Variants in NRXN3 observed in about 807,000 individuals in gnomAD.
NRXN3 encodes the protein neurexin III.
Under a neutral mutation model 137.6 loss-of-function variants are expected in NRXN3, and 32 were observed. The observed-to-expected ratio is 0.23, with a 90% CI of 0.18 to 0.31. The LOEUF (loss-of-function observed/expected upper bound fraction) is 0.31, where lower values mean the gene tolerates loss of function less well. NRXN3 is among the 10% of genes least tolerant of loss of function. The pLI is 1.00. For missense variants in NRXN3, 1,574 were observed against 2,062.5 expected, an observed-to-expected ratio of 0.76 and a Z score of 4.59; for synonymous variants, 798 against 784.5, an observed-to-expected ratio of 1.02 and a Z score of -0.29.
intron 15 of NRXN3, among the ~76,000 whole-genome samples, chr14:79,038,593 T>C (rs2099620059): frequency 6.6e-6 from 1 of 152,178 alleles, no homozygotes. Context: ...GGGTATGCTC[T>C]CCTTGCTATT....
At chr14:79,778,057 C>A (rs749059994) in intron 19 of NRXN3, among the ~76,000 whole-genome samples, 3 of 152,210 alleles carry the variant, frequency 2.0e-5, no homozygotes, top group Non-Finnish European at 4.4e-5. Context: ...GGCACATACA[C>A]CCTTTAACCA....
chr14:78,455,210 T>G (rs76187059), intron 4 of NRXN3, among the ~76,000 whole-genome samples: 6,027 of 152,250 alleles, frequency 0.04, 371 homozygotes, highest in African/African-American at 0.13. Flanking sequence ...ACTTGGGAGT[T>G]AGATTCCCCA....
rs1309961475 is a variant in NRXN3, at chr14:79,629,834, TGTGTGTGTGC to T, written c.3445-33934_3445-33925del. ...ATGTGCGTGTGTGTGTGCGTGTGTG[TGTGTGTGTGC>T]GTGTGTGTGTGTTATGCACAGTGGC... On this transcript the variant is annotated intron_variant, in intron 16 of 20. Coordinates refer to ENST00000335750, the MANE Select transcript of NRXN3 (RefSeq NM_001330195.2). Among the ~76,000 whole-genome samples the T allele has an allele frequency of 4.8e-5, 4 of 84,142 alleles. No individual in the cohort carries two copies. The East Asian group carries it at 1.1e-3, about 23-fold the overall frequency. 55.2% of individuals were successfully genotyped at this position (84,142 alleles called of 152,430 possible).
intron 9 of NRXN3, among the ~76,000 whole-genome samples, chr14:78,807,172 A>G (rs993877410): frequency 6.6e-6 from 1 of 152,194 alleles, no homozygotes; most frequent in Non-Finnish European, 1.5e-5. Context: ...CTCAGTGCCC[A>G]GTTTGAATTG....
At chr14:79,546,620 A>G (rs1354497916) in intron 16 of NRXN3, among the ~76,000 whole-genome samples, 1 of 152,182 alleles carries the variant, frequency 6.6e-6, no homozygotes, top group Non-Finnish European at 1.5e-5. Flanking sequence ...GTTTTTAGAA[A>G]AAGACTCAGA....
chr14:78,978,223 T>G (rs2153037757), intron 14 of NRXN3, among the ~76,000 whole-genome samples: 1 of 152,272 alleles, frequency 6.6e-6, no homozygotes, highest in Non-Finnish European at 1.5e-5. Context: ...TTTTGATGCC[T>G]TGCTTAGCTT....
intron 6 of NRXN3, among the ~76,000 whole-genome samples, chr14:78,686,979 T>C (rs901346154): frequency 6.6e-6 from 1 of 152,106 alleles, no homozygotes; most frequent in African/African-American, 2.4e-5. Context: ...AAGTTATATA[T>C]GGTGGTATAA....
chr14:79,294,361 G>C lies in NRXN3; in HGVS notation c.3263-172860G>C, dbSNP rs1598388093. On this transcript the variant is annotated intron_variant, in intron 15 of 20. Coordinates refer to ENST00000335750, the MANE Select transcript of NRXN3 (RefSeq NM_001330195.2). The stretch of plus-strand genomic sequence containing the variant: ...ACAACACATGAAATCAGTATTCAAA[G>C]TTTTGGCCAGTTTCCCTTTGTGGTT... 2.0e-5 allele frequency among the ~76,000 whole-genome samples: 3 copies of C among 152,224 alleles called. No homozygotes were observed. The South Asian group carries it at 6.2e-4, about 32-fold the overall frequency.
At chr14:79,455,102 T>G (rs1195873576) in intron 15 of NRXN3, among the ~76,000 whole-genome samples, 4 of 152,218 alleles carry the variant, frequency 2.6e-5, no homozygotes, top group South Asian at 2.1e-4. Context: ...TACCATAAAC[T>G]GAGCAGTTTT....
chr14:79,811,274 A>C (rs2099231618), intron 20 of NRXN3, among the ~76,000 whole-genome samples: 1 of 152,224 alleles, frequency 6.6e-6, no homozygotes, highest in Non-Finnish European at 1.5e-5. Flanking sequence ...AATCTAAGAT[A>C]AGCATTTTAG....
intron 1 of NRXN3, among the ~76,000 whole-genome samples, chr14:78,205,534 G>A (rs1335822983): frequency 1.3e-5 from 2 of 152,220 alleles, no homozygotes; most frequent in Non-Finnish European, 2.9e-5. Flanking sequence ...AGGAATTGAG[G>A]TGAAAGATCA....
At chr14:79,020,928 C>CACCTCAAT (rs1157126758) in intron 15 of NRXN3, among the ~76,000 whole-genome samples, 1 of 151,360 alleles carries the variant, frequency 6.6e-6, no homozygotes, top group Non-Finnish European at 1.5e-5. Context: ...CATAACCAAT[C>CACCTCAAT]ACCTCAATTA....
intron 10 of NRXN3, among the ~76,000 whole-genome samples, chr14:78,881,099 T>C (rs1055300775): frequency 6.6e-6 from 1 of 151,596 alleles, no homozygotes; most frequent in African/African-American, 2.4e-5. Flanking sequence ...TGAAGAAGGA[T>C]GTGTTTGCTT....
Position 78,204,830 on chromosome 14 carries a change from C to T in NRXN3, c.-704+34156C>T, listed in dbSNP as rs567141329. On this transcript the variant is annotated intron_variant, in intron 1 of 20. Transcript: ENST00000335750. Reference sequence around the variant, plus strand: ...AATATCATACATGGCAATAAAGAGCCGTAAGTAACTGGGTTTTGGGTCACT... The same window carrying T: ...AATATCATACATGGCAATAAAGAGCTGTAAGTAACTGGGTTTTGGGTCACT... 1.3e-3 allele frequency among the ~76,000 whole-genome samples: 193 copies of T among 152,250 alleles called. 2 individuals are homozygous for T. Among genetic ancestry groups the T allele is most frequent in the African/African-American group, 4.4e-3 (183 of 41,550 alleles).
chr14:79,040,114 A>G (rs1368132227), intron 15 of NRXN3, among the ~76,000 whole-genome samples: 3 of 152,180 alleles, frequency 2.0e-5, no homozygotes, highest in African/African-American at 2.4e-5. Flanking sequence ...CCTTTATAGC[A>G]ATGACCACAT....
At chr14:78,918,386 C>T (rs945810521) in intron 10 of NRXN3, among the ~76,000 whole-genome samples, 6 of 146,754 alleles carry the variant, frequency 4.1e-5, no homozygotes, top group East Asian at 2.0e-4. Flanking sequence ...CATAATAAAA[C>T]GAATAATGAA....
chr14:79,835,739 TG>T (rs1163032208), intron 20 of NRXN3, among the ~76,000 whole-genome samples: 1 of 152,204 alleles, frequency 6.6e-6, no homozygotes, highest in African/African-American at 2.4e-5. Context: ...GCCATTGCCC[TG>T]GGTTTCATAT....
intron 10 of NRXN3, among the ~76,000 whole-genome samples, chr14:78,939,002 C>A (rs1361500648): frequency 2.0e-5 from 3 of 151,758 alleles, no homozygotes; most frequent in Non-Finnish European, 4.4e-5. Context: ...CCCGCCACCT[C>A]GCCCGGCTAA....
At chr14:79,317,449 A>T (rs1396261968) in intron 15 of NRXN3, among the ~76,000 whole-genome samples, 1 of 152,194 alleles carries the variant, frequency 6.6e-6, no homozygotes, top group Non-Finnish European at 1.5e-5. Flanking sequence ...GATGCAAGTC[A>T]TATTGGATGA....
Sources: gnomAD v4.1 joint callset for allele counts (sites outside exome capture counted in the v4.1 genomes callset) on GRCh38, gnomAD v4.1.1 for gene constraint, MANE v1.5 for transcripts, NCBI Gene and HGNC (gene_info 2026-07-23, HGNC 2026-07-21) for gene names.